PIKFYVE: variants seen among roughly 807,000 people sequenced by gnomAD.
PIKFYVE encodes the protein phosphoinositide kinase, FYVE-type zinc finger containing, also known as 1-phosphatidylinositol 3-phosphate 5-kinase.
Under a neutral mutation model 257.9 loss-of-function variants are expected in PIKFYVE, and 122 were observed. That is an observed-to-expected ratio of 0.47 (90% CI 0.41 to 0.55). PIKFYVE has a LOEUF of 0.55. Among genes scored for constraint, PIKFYVE ranks in the 20% least tolerant of loss-of-function variants. PIKFYVE has a pLI of 0.00. For missense variants in PIKFYVE, 2,160 were observed against 2,536.6 expected, an observed-to-expected ratio of 0.85 and a Z score of 3.19; for synonymous variants, 892 against 868.9, an observed-to-expected ratio of 1.03 and a Z score of -0.47.
chr2:208,294,105 C>T lies in PIKFYVE; in HGVS notation c.912-4536C>T, dbSNP rs570011310. On this transcript the variant is annotated intron_variant, in intron 7 of 41. Transcript: ENST00000264380. ...CCACATTTCTTGGATATTGTTTGTTCAGTCTTTTTTCTATTTGCTTTTCAG... is the reference window on the plus strand; with the variant it reads ...CCACATTTCTTGGATATTGTTTGTTTAGTCTTTTTTCTATTTGCTTTTCAG... Among the ~76,000 whole-genome samples, 7 of 152,112 alleles carry T rather than the reference C, an allele frequency of 4.6e-5. No individual in the cohort carries two copies. The East Asian group carries it at 1.4e-3, about 29-fold the overall frequency.
intron 24 of PIKFYVE, among the ~76,000 whole-genome samples, chr2:208,334,015 T>G (rs950529527): frequency 4.6e-5 from 7 of 152,322 alleles, no homozygotes; most frequent in Admixed American, 4.6e-4. Flanking sequence ...TGCCAAGATA[T>G]TAACCATCAG....
Position 208,273,662 on chromosome 2 carries a change from A to C in PIKFYVE, c.251A>C (p.Gln84Pro), listed in dbSNP as rs1475916785. The C allele has an allele frequency of 1.2e-6, 2 of 1,614,164 alleles. No individual in the cohort carries two copies. The highest frequency in any genetic ancestry group is 2.2e-5 in the South Asian group (2 of 91,080). Residue 84 changes from glutamine (Q) to proline (P), a missense_variant, in exon 3 of 42, where the codon CAG becomes CCG. Gln to Pro is a moderately conservative substitution (Grantham distance 76, BLOSUM62 -1). Transcript: ENST00000264380. ...AGCCCTCAGCTCCCTTCGAGGACACAGTCTGTTAGGTCACCCACACCTTAT... is the reference window on the plus strand; with the variant it reads ...AGCCCTCAGCTCCCTTCGAGGACACCGTCTGTTAGGTCACCCACACCTTAT... The part of the protein sequence containing the change: ...WTSPQLPSRT[Q>P]SVRSPTPYKK...
At chr2:208,330,817 G>A in intron 23 of PIKFYVE, 123 bp downstream of exon 23, 1 of 999,980 alleles carries the variant, frequency 1.0e-6, no homozygotes, top group Non-Finnish European at 1.5e-6. Flanking sequence ...AGCTCTATTT[G>A]TCATTGTTAT....
rs1037223631 is a variant in PIKFYVE, at chr2:208,266,272, A to C, written c.-153A>C. 2.0e-5 allele frequency: 3 copies of C among 151,992 alleles called. No homozygotes were observed. The highest frequency in any genetic ancestry group is 4.4e-5 in the Non-Finnish European group (3 of 68,080). The allele number at this position is 151,992 out of a possible 1,614,324, so 9.4% of individuals were successfully genotyped here. ...GGGGAAGCGAGAAGCCGCATCAACC[A>C]TGTAAGCAGCTTCGCTTCCTGCCGC... On this transcript the variant is annotated 5_prime_UTR_variant, in exon 1 of 42. An upstream start codon of the reference 5' UTR is lost. Transcript: ENST00000264380.
intron 6 of PIKFYVE, among the ~76,000 whole-genome samples, chr2:208,288,025 A>T (rs1691814296): frequency 6.6e-6 from 1 of 152,118 alleles, no homozygotes; most frequent in African/African-American, 2.4e-5. Flanking sequence ...GAGTTTTTTT[A>T]GTTTTTGCTT....
At chr2:208,281,922 G>A (rs149749797) in intron 5 of PIKFYVE, among the ~76,000 whole-genome samples, 50 of 152,334 alleles carry the variant, frequency 3.3e-4, no homozygotes, top group African/African-American at 1.2e-3. Flanking sequence ...CACTGAACCT[G>A]CAGGAGATAA....
rs1276156249 is a variant in PIKFYVE at position 208,346,036 on chromosome 2, T to C, written c.5112-14T>C. 2 of 1,599,594 alleles carry C rather than the reference T, an allele frequency of 1.3e-6. No individual in the cohort carries two copies. The highest frequency in any genetic ancestry group is 2.7e-5 in the African/African-American group (2 of 74,582). The stretch of plus-strand genomic sequence containing the variant: ...ATAAAACTAAATTTTTCTTTTTTTT[T>C]CTTTTCATTTTAGTACTTCAGATAG... On this transcript the variant is annotated splice_polypyrimidine_tract_variant and intron_variant, in intron 33 of 41. Coordinates refer to ENST00000264380, the MANE Select transcript of PIKFYVE (RefSeq NM_015040.4).
At chr2:208,351,331 C>T (rs1553536062) in intron 37 of PIKFYVE, 21 bp from the exon 38 acceptor site, 2 of 1,507,482 alleles carry the variant, frequency 1.3e-6, no homozygotes, top group Non-Finnish European at 9.2e-7. Flanking sequence ...TGAGTAAACA[C>T]ATAAAATTTC....
rs146781111 is a variant in PIKFYVE at position 208,287,425 on chromosome 2, C to G, written c.822-1304C>G. On this transcript the variant is annotated intron_variant, in intron 6 of 41. Transcript: ENST00000264380. ...AGTAGCTGGACTTACAGGTGCCCACCACCATGCCTGGCTAATTTTTCTGTT... is the reference window on the plus strand; with the variant it reads ...AGTAGCTGGACTTACAGGTGCCCACGACCATGCCTGGCTAATTTTTCTGTT... 7.3e-3 allele frequency among the ~76,000 whole-genome samples: 1,107 copies of G among 152,008 alleles called. 10 individuals carry two copies. The highest frequency in any genetic ancestry group is 0.025 in the African/African-American group (1,043 of 41,428).
intron 17 of PIKFYVE, among the ~76,000 whole-genome samples, chr2:208,323,019 A>C (rs1031834932): frequency 6.6e-6 from 1 of 151,684 alleles, no homozygotes; most frequent in Non-Finnish European, 1.5e-5. Context: ...TACAAAGGAC[A>C]TGAACTCATC....
chr2:208,331,253 T>C (rs912076302), intron 23 of PIKFYVE, among the ~76,000 whole-genome samples: 1 of 152,232 alleles, frequency 6.6e-6, no homozygotes, highest in Non-Finnish European at 1.5e-5. Context: ...TGCCTTTCTT[T>C]ACTTTTCTAA....
intron 7 of PIKFYVE, among the ~76,000 whole-genome samples, chr2:208,295,942 G>T (rs1373255142): frequency 6.6e-6 from 1 of 152,026 alleles, no homozygotes; most frequent in African/African-American, 2.4e-5. Context: ...ACACTTATTA[G>T]TTGACATTCT....
At chr2:208,355,140 C>T in intron 41 of PIKFYVE, 50 bp from the exon 42 acceptor site, 2 of 1,419,992 alleles carry the variant, frequency 1.4e-6, no homozygotes, top group Non-Finnish European at 2.0e-6. Flanking sequence ...TTCAGTTGCC[C>T]AATCAATTAT....
At chr2:208,331,329 C>T (rs1697518191) in intron 23 of PIKFYVE, among the ~76,000 whole-genome samples, 1 of 152,070 alleles carries the variant, frequency 6.6e-6, no homozygotes, top group African/African-American at 2.4e-5. Context: ...ATCCAGACTG[C>T]TTGCAATCTG....
At chr2:208,305,470 C>A in intron 12 of PIKFYVE, 1 of 934,814 alleles carries the variant, frequency 1.1e-6, no homozygotes, top group Non-Finnish European at 1.3e-6. Flanking sequence ...TCACACATTC[C>A]AAAATATCTC....
intron 41 of PIKFYVE, among the ~76,000 whole-genome samples, chr2:208,354,881 T>C (rs1700065775): frequency 6.6e-6 from 1 of 152,202 alleles, no homozygotes; most frequent in Admixed American, 6.5e-5. Flanking sequence ...AAGCCAGATG[T>C]TCTGAATAAG....
chr2:208,292,304 A>G (rs1692414071), intron 7 of PIKFYVE, among the ~76,000 whole-genome samples: 1 of 152,086 alleles, frequency 6.6e-6, no homozygotes, highest in African/African-American at 2.4e-5. Context: ...GATATTCATT[A>G]TATCCACCTG....
At chr2:208,288,283 AGTAATGAACCCAAG>A (rs960460909) in intron 6 of PIKFYVE, among the ~76,000 whole-genome samples, 6 of 152,204 alleles carry the variant, frequency 3.9e-5, no homozygotes, top group African/African-American at 1.4e-4. Flanking sequence ...AGCGAGATTA[AGTAATGAACCCAAG>A]GTCATGTAGC....
At chr2:208,268,445 T>C (rs1328536973) in intron 1 of PIKFYVE, among the ~76,000 whole-genome samples, 41 of 109,136 alleles carry the variant, frequency 3.8e-4, no homozygotes, top group Middle Eastern at 0.012. Context: ...TTTTTTTTTT[T>C]CCCTAAATAA....
Sources: gnomAD v4.1 joint callset for allele counts (sites outside exome capture counted in the v4.1 genomes callset) on GRCh38, gnomAD v4.1.1 for gene constraint, MANE v1.5 for transcripts, NCBI Gene and HGNC (gene_info 2026-07-23, HGNC 2026-07-21) for gene names.